SSH1: variants seen among roughly 807,000 people sequenced by gnomAD.
SSH1 encodes protein phosphatase Slingshot homolog 1.
SSH1 carries 43 observed loss-of-function variants against 79.7 expected under a neutral mutation model. The observed-to-expected ratio is 0.54, with a 90% confidence interval of 0.42 to 0.70. The LOEUF is 0.70. SSH1 is among the 30% of genes least tolerant of loss of function. SSH1 has a pLI of 0.00. For synonymous variants in SSH1, 599 were observed against 538.3 expected, an observed-to-expected ratio of 1.11 and a Z score of -1.56; for missense variants, 1,206 against 1,358.8, an observed-to-expected ratio of 0.89 and a Z score of 1.77.
At chr12:108,802,888 G>A (rs1281940390) in intron 10 of SSH1, among the ~76,000 whole-genome samples, 1 of 152,192 alleles carries the variant, frequency 6.6e-6, no homozygotes, top group African/African-American at 2.4e-5. Flanking sequence ...AGTGATTTAG[G>A]TAGGAGGATA....
intron 11 of SSH1, among the ~76,000 whole-genome samples, chr12:108,801,735 T>TAAAAA (rs1565980475): frequency 7.3e-6 from 1 of 137,186 alleles, no homozygotes; most frequent in African/African-American, 2.6e-5. Flanking sequence ...CTGTGTTGTT[T>TAAAAA]TAAAAAAAAA....
chr12:108,798,935 G>C, intron 13 of SSH1, 65 bp downstream of exon 13: 1 of 1,575,888 alleles, frequency 6.3e-7, no homozygotes, highest in Non-Finnish European at 8.6e-7. Context: ...CAGAGGCCTG[G>C]CTGGCTTGGC....
intron 12 of SSH1, among the ~76,000 whole-genome samples, chr12:108,799,845 G>A (rs1025119138): frequency 1.3e-5 from 2 of 152,220 alleles, no homozygotes; most frequent in Non-Finnish European, 2.9e-5. Context: ...CCAGGAGACA[G>A]TGTTTCTTTA....
At chr12:108,843,904 A>G (rs943520817) in intron 2 of SSH1, among the ~76,000 whole-genome samples, 4 of 152,200 alleles carry the variant, frequency 2.6e-5, no homozygotes, top group African/African-American at 7.2e-5. Flanking sequence ...TTACGCAGCC[A>G]GTCCTGCATT....
Position 108,795,416 on chromosome 12 carries a change from A to AT in SSH1, c.1350-2588dup, listed in dbSNP as rs200991720. Among the ~76,000 whole-genome samples the AT allele has an allele frequency of 9.5e-3, 1,439 of 151,870 alleles. 29 individuals carry two copies. The highest frequency in any genetic ancestry group is 0.033 in the African/African-American group (1,358 of 41,428). ...AGGCACACGCCACCACACCTGGCTA[A>AT]TTTTTTTTGTATATTTTTAGAAGAG... On this transcript the variant is annotated intron_variant, in intron 13 of 14. Transcript: ENST00000326495.
Position 108,807,938 on chromosome 12 carries a change from T to G in SSH1, c.537-111A>C. 1 of 978,760 alleles carries G rather than the reference T, an allele frequency of 1.0e-6. No individual in the cohort carries two copies. Among genetic ancestry groups the G allele is most frequent in the Non-Finnish European group, 1.6e-6 (1 of 634,064 alleles). 60.6% of individuals were successfully genotyped at this position (978,760 alleles called of 1,614,324 possible). ...GAAGGGAAGGGCAATGATTGATTGG[T>G]TGATTATTTCTTTTTGGGACAGAGT... On this transcript the variant is annotated intron_variant, in intron 7 of 14. Transcript: ENST00000326495. The surrounding 1 kb of genome is among the most constrained non-coding windows in gnomAD (Gnocchi z 5.2).
chr12:108,835,901 A>C (rs1327571934), intron 2 of SSH1, among the ~76,000 whole-genome samples: 1 of 134,134 alleles, frequency 7.5e-6, no homozygotes. Context: ...AACTATATTA[A>C]TATAATTAAT....
At chr12:108,803,452 T>C (rs1490622732) in intron 10 of SSH1, among the ~76,000 whole-genome samples, 1 of 150,892 alleles carries the variant, frequency 6.6e-6, no homozygotes, top group Non-Finnish European at 1.5e-5. Context: ...AATCCACCTT[T>C]GTCTTCCTTG....
chr12:108,788,431 A>G lies in SSH1; in HGVS notation c.2707T>C (p.Tyr903His), dbSNP rs775364450. ...AAACTACTGGTGTGGTCCAGGCGGT[A>G]GAAGAAAGGAGGGGGGCTCTTCAGT... Reference protein sequence around the residue: ...GSLKSPPPFFYRLDHTSSFSK... With the variant: ...GSLKSPPPFFHRLDHTSSFSK... Residue 903 changes from tyrosine (Y) to histidine (H), a missense_variant, in exon 15 of 15, where the codon TAC (tyrosine) becomes CAC (histidine). Around this residue, in one of 5 missense-constraint regions of SSH1, gnomAD observed 709 missense variants for 730.6 expected, o/e 0.97. Transcript: ENST00000326495. 6 of 1,585,284 alleles carry G rather than the reference A, an allele frequency of 3.8e-6. No individual in the cohort carries two copies. In the African/African-American group the frequency reaches 8.1e-5, roughly 21 times the overall value.
chr12:108,839,243 C>T (rs1787930354), intron 2 of SSH1, among the ~76,000 whole-genome samples: 1 of 152,222 alleles, frequency 6.6e-6, no homozygotes, highest in Admixed American at 6.5e-5. Context: ...CCTTCCATCT[C>T]ATGAGGTGGG....
intron 2 of SSH1, among the ~76,000 whole-genome samples, chr12:108,832,312 C>T (rs1330955623): frequency 6.6e-6 from 1 of 151,228 alleles, no homozygotes; most frequent in East Asian, 1.9e-4. Flanking sequence ...CCCCCGCCTC[C>T]CAAAAGAAAA....
At chr12:108,847,550 C>T (rs1271776249) in intron 2 of SSH1, among the ~76,000 whole-genome samples, 1 of 152,130 alleles carries the variant, frequency 6.6e-6, no homozygotes, top group Non-Finnish European at 1.5e-5. Context: ...TGCAACCTCC[C>T]GGGTTCAAAC....
intron 2 of SSH1, among the ~76,000 whole-genome samples, chr12:108,842,704 A>G (rs936459488): frequency 3.9e-5 from 6 of 152,194 alleles, no homozygotes; most frequent in African/African-American, 1.4e-4. Context: ...TCTGTCTCCC[A>G]GTGTGGGTTC....
chr12:108,837,104 T>G (rs1166008676), intron 2 of SSH1: 1 of 367,910 alleles, frequency 2.7e-6, no homozygotes, highest in African/African-American at 2.1e-5. Flanking sequence ...TGGTGGAGCA[T>G]GCCCGTAATC....
chr12:108,806,260 G>T, intron 9 of SSH1, 41 bp downstream of exon 9: 1 of 1,571,532 alleles, frequency 6.4e-7, no homozygotes. Flanking sequence ...CATGGAGGCT[G>T]CATGACCTCT....
At chr12:108,834,881 C>A (rs978895364) in intron 2 of SSH1, among the ~76,000 whole-genome samples, 1 of 152,212 alleles carries the variant, frequency 6.6e-6, no homozygotes, top group Non-Finnish European at 1.5e-5. Context: ...AAGCTGTGCT[C>A]TTCTCTGAAG....
chr12:108,794,746 C>T (rs770691641), intron 13 of SSH1, among the ~76,000 whole-genome samples: 42 of 152,208 alleles, frequency 2.8e-4, no homozygotes, highest in Non-Finnish European at 4.6e-4. Context: ...TACACACCTC[C>T]CTCATATCTT....
At chr12:108,808,958 T>C (rs2037432248) in intron 7 of SSH1, among the ~76,000 whole-genome samples, 1 of 151,130 alleles carries the variant, frequency 6.6e-6, no homozygotes, top group East Asian at 2.0e-4. Context: ...CTCAGCCTCC[T>C]GAGTAGCTGG....
chr12:108,833,320 C>T (rs2038519189), intron 2 of SSH1, among the ~76,000 whole-genome samples: 2 of 152,148 alleles, frequency 1.3e-5, no homozygotes, highest in Admixed American at 1.3e-4. Context: ...GATCTAAGCC[C>T]CTTCACGAGG....
Sources: gnomAD v4.1 joint callset for allele counts (sites outside exome capture counted in the v4.1 genomes callset) on GRCh38, gnomAD v4.1.1 for gene constraint, gnomAD v4.1.1 regional missense constraint, Gnocchi (gnomAD v3.1) non-coding constraint, MANE v1.5 for transcripts, NCBI Gene and HGNC (gene_info 2026-07-23, HGNC 2026-07-21) for gene names.